SAE1: variants seen among roughly 807,000 people sequenced by gnomAD.
The protein encoded by SAE1 is SUMO1 activating enzyme subunit 1.
In SAE1, 11 loss-of-function variants were observed where a neutral mutation model predicts 40.6. The ratio of observed to expected loss-of-function variants is 0.27; its 90% CI spans 0.17 to 0.45. The LOEUF is 0.45. Among genes scored for constraint, SAE1 ranks in the 20% least tolerant of loss-of-function variants. SAE1 has a pLI of 1.00. For synonymous variants in SAE1, 155 were observed against 154.3 expected, an observed-to-expected ratio of 1.00 and a Z score of -0.03; for missense variants, 373 against 427.3, an observed-to-expected ratio of 0.87 and a Z score of 1.12.
rs57870733 is a variant in SAE1 at position 47,154,480 on chromosome 19, CTTTTTTTTTTTTTTTT to C, written c.528-619_528-604del. Among the ~76,000 whole-genome samples the C allele has an allele frequency of 2.6e-3, 135 of 51,612 alleles. 3 individuals are homozygous for C. The South Asian group carries it at 0.055, about 21-fold the overall frequency. The allele number at this position is 51,612 out of a possible 152,430, so 33.9% of individuals were successfully genotyped here. A position where few individuals can be genotyped will look rare whatever the true frequency, so the allele number is the denominator to read the frequency against. On this transcript the variant is annotated intron_variant, in intron 4 of 8. Transcript: ENST00000270225. ...AGCAGAGGGGCAGAATTAAGTTTGGCTTTTTTTTTTTTTTTTTTTTTTTTTTTTTTCTGAGACAGAC... is the reference window on the plus strand; with the variant it reads ...AGCAGAGGGGCAGAATTAAGTTTGGCTTTTTTTTTTTTTTCTGAGACAGAC...
chr19:47,164,873 C>G (rs991436009), intron 5 of SAE1, among the ~76,000 whole-genome samples: 3 of 151,480 alleles, frequency 2.0e-5, no homozygotes, highest in Non-Finnish European at 2.9e-5. Flanking sequence ...AGGATGGTCT[C>G]GATCTCCTGA....
At chr19:47,160,835 G>C (rs2058355492) in intron 5 of SAE1, among the ~76,000 whole-genome samples, 1 of 152,072 alleles carries the variant, frequency 6.6e-6, no homozygotes, top group Non-Finnish European at 1.5e-5. Context: ...GGCCAATCCT[G>C]CTAATTATTA....
chr19:47,206,755 A>G (rs2058688698), intron 8 of SAE1, among the ~76,000 whole-genome samples: 1 of 152,098 alleles, frequency 6.6e-6, no homozygotes, highest in Admixed American at 6.6e-5. Context: ...CATCCCCAGT[A>G]TTGGTAAAGG....
chr19:47,146,145 G>A (rs549419269), intron 2 of SAE1, among the ~76,000 whole-genome samples: 1 of 152,116 alleles, frequency 6.6e-6, no homozygotes, highest in Non-Finnish European at 1.5e-5. Context: ...AAGTAGTTTG[G>A]TGTTTTTAGA....
intron 8 of SAE1, among the ~76,000 whole-genome samples, chr19:47,206,310 C>T (rs2058686409): frequency 2.0e-5 from 3 of 152,186 alleles, no homozygotes; most frequent in South Asian, 4.1e-4. Context: ...TGCTCTCATC[C>T]CCAGTACTCC....
intron 5 of SAE1, among the ~76,000 whole-genome samples, chr19:47,161,403 AAC>A (rs2058359298): frequency 6.6e-6 from 1 of 152,128 alleles, no homozygotes; most frequent in Non-Finnish European, 1.5e-5. Flanking sequence ...CCGCCTTAAA[AAC>A]ACAAATATTT....
chr19:47,207,797 A>G (rs1164233881), intron 8 of SAE1, among the ~76,000 whole-genome samples: 1 of 151,756 alleles, frequency 6.6e-6, no homozygotes, highest in African/African-American at 2.4e-5. Flanking sequence ...ACCACATCCA[A>G]CTAATTTTTT....
At chr19:47,185,486 A>G (rs2058538443) in intron 6 of SAE1, among the ~76,000 whole-genome samples, 1 of 151,726 alleles carries the variant, frequency 6.6e-6, no homozygotes, top group Non-Finnish European at 1.5e-5. Context: ...TTGTATTTTT[A>G]GTGGACACGA....
chr19:47,162,780 C>G (rs1209579947), intron 5 of SAE1, among the ~76,000 whole-genome samples: 1 of 152,064 alleles, frequency 6.6e-6, no homozygotes, highest in African/African-American at 2.4e-5. Context: ...CACTTGAGCC[C>G]AGGAGTTTGA....
intron 5 of SAE1, among the ~76,000 whole-genome samples, chr19:47,164,061 A>T (rs1353847574): frequency 6.6e-6 from 1 of 151,920 alleles, no homozygotes. Context: ...GAGCCATTGC[A>T]CCTGGCTTGT....
intron 6 of SAE1, among the ~76,000 whole-genome samples, chr19:47,196,100 C>T (rs2058612944): frequency 1.3e-5 from 2 of 148,360 alleles, no homozygotes; most frequent in East Asian, 2.0e-4. Flanking sequence ...GGCTGGAGTG[C>T]AGTGGCACGA....
At chr19:47,173,807 C>T (rs1160466525) in intron 6 of SAE1, among the ~76,000 whole-genome samples, 3 of 143,716 alleles carry the variant, frequency 2.1e-5, no homozygotes, top group East Asian at 2.0e-4. Flanking sequence ...TTTTTTGAGA[C>T]GGAGTCTCTC....
intron 5 of SAE1, among the ~76,000 whole-genome samples, chr19:47,158,365 C>T (rs2058336581): frequency 6.6e-6 from 1 of 152,104 alleles, no homozygotes; most frequent in African/African-American, 2.4e-5. Context: ...AATAGGTGCT[C>T]AGTAGTTTGT....
chr19:47,144,170 C>T (rs1024100296), intron 2 of SAE1, among the ~76,000 whole-genome samples: 10 of 151,908 alleles, frequency 6.6e-5, no homozygotes, highest in African/African-American at 2.4e-4. Flanking sequence ...TCTGTCTGTA[C>T]TCAGTATACA....
chr19:47,186,569 C>G (rs1457182108), intron 6 of SAE1, among the ~76,000 whole-genome samples: 2 of 152,056 alleles, frequency 1.3e-5, no homozygotes, highest in Non-Finnish European at 2.9e-5. Context: ...TTGAGTCATC[C>G]TGGTCTTTAA....
intron 8 of SAE1, among the ~76,000 whole-genome samples, chr19:47,205,233 G>A (rs1255034978): frequency 6.6e-6 from 1 of 151,972 alleles, no homozygotes; most frequent in Non-Finnish European, 1.5e-5. Context: ...ACAGTTTGGA[G>A]GCCAGCCCTT....
chr19:47,149,497 G>C (rs2058274475), intron 2 of SAE1, among the ~76,000 whole-genome samples: 1 of 152,216 alleles, frequency 6.6e-6, no homozygotes, highest in Non-Finnish European at 1.5e-5. Flanking sequence ...TAAACCACTG[G>C]AAGACAGAGA....
intron 5 of SAE1, among the ~76,000 whole-genome samples, chr19:47,162,212 A>G (rs2058363298): frequency 6.6e-6 from 1 of 152,192 alleles, no homozygotes; most frequent in Admixed American, 6.5e-5. Flanking sequence ...TTGTGTAAAT[A>G]CATTACTATT....
At chr19:47,169,979 A>T in intron 6 of SAE1, 56 bp downstream of exon 6, 1 of 1,317,060 alleles carries the variant, frequency 7.6e-7, no homozygotes, top group Non-Finnish European at 1.1e-6. Flanking sequence ...GATTTCTGCA[A>T]ATGTGGTTGC....
Sources: gnomAD v4.1 joint callset for allele counts (sites outside exome capture counted in the v4.1 genomes callset) on GRCh38, gnomAD v4.1.1 for gene constraint, MANE v1.5 for transcripts, NCBI Gene and HGNC (gene_info 2026-07-23, HGNC 2026-07-21) for gene names.